The following ELOVL7 variants were observed in gnomAD, a reference collection of about 807,000 sequenced individuals.
ELOVL7 encodes the protein ELOVL fatty acid elongase 7.
Under a neutral mutation model 35.7 loss-of-function variants are expected in ELOVL7, and 27 were observed. That is an observed-to-expected ratio of 0.76 (90% CI 0.56 to 1.04). The LOEUF (loss-of-function observed/expected upper bound fraction) is 1.04. Ranked by LOEUF, ELOVL7 falls within the 50% of genes least tolerant of loss-of-function variation. The pLI is 0.00. For missense variants in ELOVL7, 327 were observed against 340.8 expected (o/e 0.96, Z 0.32); for synonymous variants, 113 against 114.6 (o/e 0.99, Z 0.09).
chr5:60,753,270 T>C lies in ELOVL7; in HGVS notation c.*1354A>G, dbSNP rs1741361432. ...CCAAATATTATTTCATGGACAAAAC[T>C]CTACTGACTAATAGTTTTGATTCTC... On this transcript the variant is annotated 3_prime_UTR_variant, in exon 9 of 9. Transcript: ENST00000508821. 6.6e-6 allele frequency: 1 copy of C among 152,056 alleles called. No individual in the cohort carries two copies. The highest frequency in any genetic ancestry group is 2.1e-4 in the South Asian group (1 of 4,824). 9.4% of individuals were successfully genotyped at this position (152,056 alleles called of 1,614,324 possible). A position where few individuals can be genotyped will look rare whatever the true frequency, so the allele number is the denominator to read the frequency against.
At chr5:60,804,814 T>C (rs181645014) in intron 1 of ELOVL7, among the ~76,000 whole-genome samples, 73 of 152,332 alleles carry the variant, frequency 4.8e-4, no homozygotes, top group African/African-American at 1.7e-3. Context: ...AAATACAAAA[T>C]ACTCCTCTCA....
At chr5:60,825,223 C>G (rs1193210483) in intron 1 of ELOVL7, among the ~76,000 whole-genome samples, 1 of 152,116 alleles carries the variant, frequency 6.6e-6, no homozygotes, top group Non-Finnish European at 1.5e-5. Context: ...CATTGATCCC[C>G]TTGTCCTTCC....
At chr5:60,764,157 G>GA (rs753976354) in intron 7 of ELOVL7, 70 bp downstream of exon 7, 1 of 1,000,980 alleles carries the variant, frequency 1.0e-6, no homozygotes, top group Middle Eastern at 2.0e-4. Flanking sequence ...TCACATTTTA[G>GA]AAAAATATTT....
rs181776177 is a variant in ELOVL7, at chr5:60,774,128, A to G, written c.65-2035T>C. On this transcript the variant is annotated intron_variant, in intron 3 of 8. Transcript: ENST00000508821. ...AGGAGGAGAGATTCCTCCCTAACTC[A>G]TTCTATGAAACCAGTATCATCCTGA... Among the ~76,000 whole-genome samples the G allele has an allele frequency of 3.5e-3, 526 of 152,344 alleles. 11 individuals are homozygous for G. The highest frequency in any genetic ancestry group is 0.031 in the Admixed American group (469 of 15,304).
intron 3 of ELOVL7, among the ~76,000 whole-genome samples, chr5:60,785,273 A>T (rs1743508884): frequency 6.6e-6 from 1 of 152,178 alleles, no homozygotes; most frequent in South Asian, 2.1e-4. Context: ...TCCACTCCAC[A>T]TCTAATCTAA....
intron 1 of ELOVL7, among the ~76,000 whole-genome samples, chr5:60,812,016 A>C (rs1745263927): frequency 6.6e-6 from 1 of 152,132 alleles, no homozygotes; most frequent in South Asian, 2.1e-4. Context: ...AGGAGTTTGA[A>C]ACCAGCCTGG....
intron 3 of ELOVL7, among the ~76,000 whole-genome samples, chr5:60,779,330 A>C (rs907919704): frequency 2.0e-5 from 3 of 152,088 alleles, no homozygotes; most frequent in Non-Finnish European, 2.9e-5. Context: ...TTCCACATTG[A>C]CCTAGTAGAG....
intron 3 of ELOVL7, among the ~76,000 whole-genome samples, chr5:60,783,483 G>A (rs1211614863): frequency 6.6e-6 from 1 of 152,146 alleles, no homozygotes; most frequent in Non-Finnish European, 1.5e-5. Flanking sequence ...TCCATGTAAG[G>A]TAGTGGGCAT....
intron 1 of ELOVL7, among the ~76,000 whole-genome samples, chr5:60,831,542 A>T (rs1746479215): frequency 6.6e-6 from 1 of 152,166 alleles, no homozygotes; most frequent in African/African-American, 2.4e-5. Flanking sequence ...TCATCAGGAG[A>T]ATCTTATTAG....
intron 2 of ELOVL7, among the ~76,000 whole-genome samples, chr5:60,796,274 T>A (rs1337549494): frequency 6.6e-6 from 1 of 152,232 alleles, no homozygotes; most frequent in Non-Finnish European, 1.5e-5. Context: ...AAAGAGGCTG[T>A]GAGGCTGGAG....
intron 3 of ELOVL7, among the ~76,000 whole-genome samples, chr5:60,779,281 G>A (rs1231681404): frequency 6.6e-6 from 1 of 152,198 alleles, no homozygotes; most frequent in Non-Finnish European, 1.5e-5. Flanking sequence ...CACTGCCCAA[G>A]TGGGGACTAG....
In ELOVL7 at chr5:60,840,286, T is replaced by A. The variant is rs150293069; in HGVS notation, c.-86+3874A>T. ...ATGTTAAAATGAGGTCATACTGGAGTGGGATGGGCCCTAAATCCAATATGA... is the reference window on the plus strand; with the variant it reads ...ATGTTAAAATGAGGTCATACTGGAGAGGGATGGGCCCTAAATCCAATATGA... On this transcript the variant is annotated intron_variant, in intron 1 of 8. Coordinates refer to ENST00000508821, the MANE Select transcript of ELOVL7 (RefSeq NM_024930.3). Among the ~76,000 whole-genome samples the A allele has an allele frequency of 1.4e-4, 21 of 152,142 alleles. No individual in the cohort carries two copies. In the East Asian group the frequency reaches 3.5e-3, roughly 25 times the overall value.
intron 1 of ELOVL7, among the ~76,000 whole-genome samples, chr5:60,827,037 C>T (rs2112371089): frequency 6.6e-6 from 1 of 152,216 alleles, no homozygotes; most frequent in East Asian, 1.9e-4. Context: ...AGAGGATCTT[C>T]ATTTATTCCA....
In ELOVL7 at chr5:60,787,421, T is replaced by G; in HGVS notation, c.-24A>C. 6.4e-7 allele frequency: 1 copy of G among 1,551,274 alleles called. No homozygotes were observed. The highest frequency in any genetic ancestry group is 8.7e-7 in the Non-Finnish European group (1 of 1,144,100). ...ATTTTCCACAGGATTTACTGGCTCT[T>G]TTAATGGGTTCTTCAGTAAAATAAA... On this transcript the variant is annotated 5_prime_UTR_variant, in exon 3 of 9. Coordinates refer to ENST00000508821, the MANE Select transcript of ELOVL7 (RefSeq NM_024930.3).
chr5:60,796,523 T>C (rs1222429923), intron 2 of ELOVL7, among the ~76,000 whole-genome samples: 1 of 152,176 alleles, frequency 6.6e-6, no homozygotes, highest in Non-Finnish European at 1.5e-5. Context: ...TTCCAGAAAT[T>C]GCCAAACGTC....
Position 60,767,917 on chromosome 5 carries a change from C to T in ELOVL7, c.256-14G>A, listed in dbSNP as rs1365156669. On this transcript the variant is annotated splice_polypyrimidine_tract_variant and intron_variant, in intron 4 of 8. Transcript: ENST00000508821. ...AGACATCACAAACTGCAAGAGAGCA[C>T]ATGCATATTAAGAAAGGAAAGCATT... 6 of 1,605,766 alleles carry T rather than the reference C, an allele frequency of 3.7e-6. No homozygotes were observed. Among genetic ancestry groups the T allele is most frequent in the Non-Finnish European group, 5.1e-6 (6 of 1,172,866 alleles).
At position 60,820,991 on chromosome 5, in the gene ELOVL7, T is replaced by G. The variant is rs1416625410; in HGVS notation, c.-85-21761A>C. On this transcript the variant is annotated intron_variant, in intron 1 of 8. Transcript: ENST00000508821. Reference sequence around the variant, plus strand: ...TTATCTGTTTTTAGTATGCTGTAGCTTTAAGCCCTATACAAAGTTCTCGGT... The same window carrying G: ...TTATCTGTTTTTAGTATGCTGTAGCGTTAAGCCCTATACAAAGTTCTCGGT... Among the ~76,000 whole-genome samples, 6 of 152,178 alleles carry G rather than the reference T, an allele frequency of 3.9e-5. No homozygotes were observed. The East Asian group carries it at 9.6e-4, about 24-fold the overall frequency.
At chr5:60,800,599 A>T (rs948683659) in intron 1 of ELOVL7, among the ~76,000 whole-genome samples, 2 of 152,206 alleles carry the variant, frequency 1.3e-5, no homozygotes, top group East Asian at 3.9e-4. Context: ...TGTTTGTTTT[A>T]AAAAATAGAA....
At chr5:60,807,608 C>CA (rs1233707337) in intron 1 of ELOVL7, among the ~76,000 whole-genome samples, 2 of 150,350 alleles carry the variant, frequency 1.3e-5, no homozygotes, top group Non-Finnish European at 3.0e-5. Flanking sequence ...ACACAGCAGA[C>CA]AAAAAAGAAC....
Sources: gnomAD v4.1 joint callset for allele counts (sites outside exome capture counted in the v4.1 genomes callset) on GRCh38, gnomAD v4.1.1 for gene constraint, MANE v1.5 for transcripts, NCBI Gene and HGNC (gene_info 2026-07-23, HGNC 2026-07-21) for gene names.